The following C10orf90 variants were observed in gnomAD, a reference collection of about 807,000 sequenced individuals.
C10orf90 encodes the protein (E2-independent) E3 ubiquitin-conjugating enzyme FATS.
Under a neutral mutation model 62.5 loss-of-function variants are expected in C10orf90, and 56 were observed. The observed-to-expected ratio is 0.90, with a 90% CI of 0.72 to 1.12. The LOEUF is 1.12. Among genes scored for constraint, C10orf90 ranks in the 50% most tolerant of loss-of-function variants. C10orf90 has a pLI of 0.00. For synonymous variants in C10orf90, 386 were observed against 340.4 expected, an observed-to-expected ratio of 1.13 and a Z score of -1.47; for missense variants, 970 against 880.4, an observed-to-expected ratio of 1.10 and a Z score of -1.29.
rs1564840819 is a variant in C10orf90, at chr10:126,504,868, G to A, written c.623C>T (p.Ala208Val). The A allele has an allele frequency of 1.9e-6, 3 of 1,613,624 alleles. No individual in the cohort carries two copies. The East Asian group carries it at 6.7e-5, about 36-fold the overall frequency. The change falls in exon 4 of 10, where the codon GCA becomes GTA. Residue 208 changes from alanine (A) to valine (V), a missense_variant. Coordinates refer to ENST00000488181, the MANE Select transcript of C10orf90 (RefSeq NM_001350921.2). The surrounding 1 kb of genome is among the most constrained non-coding windows in gnomAD (Gnocchi z 4.1). ...CTCAGGTCCTCGCTCATCTGACGGT[G>A]CCGGGATTCCTAATCTGCCCGGAAG... ...ALLPGRLGIPAPSDERGPEAE... is the reference protein window; with the variant it reads ...ALLPGRLGIPVPSDERGPEAE...
At chr10:126,432,042 G>A (rs1359385677) in intron 7 of C10orf90, among the ~76,000 whole-genome samples, 1 of 152,172 alleles carries the variant, frequency 6.6e-6, no homozygotes, top group Non-Finnish European at 1.5e-5. Flanking sequence ...CCATACCCCC[G>A]GGGAAGTATT....
In C10orf90 at chr10:126,490,006, A is replaced by ATAT. The variant is rs1184587090; in HGVS notation, c.1534+13948_1534+13950dup. 1.8e-3 allele frequency among the ~76,000 whole-genome samples: 150 copies of ATAT among 84,576 alleles called. 4 individuals are homozygous for ATAT. In the Admixed American group the frequency reaches 0.022, roughly 12 times the overall value. 55.5% of individuals were successfully genotyped at this position (84,576 alleles called of 152,430 possible). ...ATATATATAATATATATTATATATT[A>ATAT]TATATATTATATATAATATATAATA... is the stretch of plus-strand genomic sequence containing the variant. On this transcript the variant is annotated intron_variant, in intron 4 of 9. Transcript: ENST00000488181.
chr10:126,670,532 C>T lies in C10orf90; in HGVS notation c.-52G>A. ...TAGTGAGACTGGCAAACACAATTTT[C>T]TTTGTTTAACCCAGGTATTGAGTGC... On this transcript the variant is annotated 5_prime_UTR_variant, in exon 1 of 10. Transcript: ENST00000488181. 2.2e-6 allele frequency: 1 copy of T among 449,002 alleles called. No homozygotes were observed. The highest frequency in any genetic ancestry group is 1.6e-5 in the South Asian group (1 of 63,384). 27.8% of individuals were successfully genotyped at this position (449,002 alleles called of 1,614,324 possible). A position where few individuals can be genotyped will look rare whatever the true frequency, so the allele number is the denominator to read the frequency against.
At chr10:126,488,059 T>TGG (rs1486782700) in intron 4 of C10orf90, among the ~76,000 whole-genome samples, 15 of 150,778 alleles carry the variant, frequency 9.9e-5, no homozygotes, top group Non-Finnish European at 2.1e-4. Context: ...AAAAGTGGAA[T>TGG]GAGAAAAAAA....
chr10:126,602,748 G>C (rs2134042976), intron 2 of C10orf90, among the ~76,000 whole-genome samples: 1 of 147,076 alleles, frequency 6.8e-6, no homozygotes, highest in Admixed American at 6.8e-5. Flanking sequence ...GTCATTGGCA[G>C]GGTTTTGGGC....
chr10:126,516,093 G>A (rs1420985970), intron 2 of C10orf90, among the ~76,000 whole-genome samples: 1 of 152,212 alleles, frequency 6.6e-6, no homozygotes, highest in African/African-American at 2.4e-5. Context: ...AGTCAACACA[G>A]GCTGAGGCTA....
intron 4 of C10orf90, among the ~76,000 whole-genome samples, chr10:126,473,012 T>G (rs909845628): frequency 6.6e-6 from 1 of 152,168 alleles, no homozygotes. Flanking sequence ...TCTCTTCAAT[T>G]TAACTATTTA....
chr10:126,551,747 C>G (rs1348649439), intron 2 of C10orf90, among the ~76,000 whole-genome samples: 1 of 152,184 alleles, frequency 6.6e-6, no homozygotes, highest in East Asian at 1.9e-4. Flanking sequence ...CAGTGGTTTA[C>G]AGCATTAAAT....
In C10orf90 at chr10:126,456,841, C is replaced by T. The variant is rs1342787247; in HGVS notation, c.2188+2199G>A. ...GAACATCAAGGATTGCAGGAAGCCG[C>T]CAGGAGCAGGGAGGGAGGCTGGACA... On this transcript the variant is annotated intron_variant, in intron 7 of 9. Coordinates refer to ENST00000488181, the MANE Select transcript of C10orf90 (RefSeq NM_001350921.2). The surrounding 1 kb of genome is among the most constrained non-coding windows in gnomAD (Gnocchi z 4.9). Among the ~76,000 whole-genome samples, 2 of 152,132 alleles carry T rather than the reference C, an allele frequency of 1.3e-5. No homozygotes were observed. Among genetic ancestry groups the T allele is most frequent in the Admixed American group, 1.3e-4 (2 of 15,270 alleles).
chr10:126,475,499 G>A (rs1426030638), intron 4 of C10orf90, among the ~76,000 whole-genome samples: 1 of 152,176 alleles, frequency 6.6e-6, no homozygotes, highest in Admixed American at 6.5e-5. Context: ...TCAGGACGCC[G>A]CCTTCATCAT....
chr10:126,569,980 T>G (rs1844472331), intron 2 of C10orf90, among the ~76,000 whole-genome samples: 1 of 152,250 alleles, frequency 6.6e-6, no homozygotes, highest in African/African-American at 2.4e-5. Context: ...CATTCCATGG[T>G]GACGGTACTA....
At position 126,506,387 on chromosome 10, in the gene C10orf90, T is replaced by C. The variant is rs551986592; in HGVS notation, c.406-1302A>G. On this transcript the variant is annotated intron_variant, in intron 3 of 9. Coordinates refer to ENST00000488181, the MANE Select transcript of C10orf90 (RefSeq NM_001350921.2). ...CCGTTTAGACGTTCATTATGGAACA[T>C]GCTTACAATGAATCCTTGCATAGAG... is the stretch of plus-strand genomic sequence containing the variant. 3.3e-5 allele frequency among the ~76,000 whole-genome samples: 5 copies of C among 152,372 alleles called. No homozygotes were observed. The East Asian group carries it at 9.6e-4, about 29-fold the overall frequency.
chr10:126,564,357 G>A (rs560454363), intron 2 of C10orf90, among the ~76,000 whole-genome samples: 35 of 152,026 alleles, frequency 2.3e-4, no homozygotes, highest in African/African-American at 8.4e-4. Context: ...GGTCCCAAAG[G>A]CAGCAGCAGC....
At chr10:126,442,478 C>CGTATATATATATATATATAT (rs1554886149) in intron 7 of C10orf90, among the ~76,000 whole-genome samples, 2 of 33,810 alleles carry the variant, frequency 5.9e-5, no homozygotes, top group Admixed American at 7.6e-4. Context: ...TTCAATATTT[C>CGTATATATATATATATATAT]ATATATATAT....
chr10:126,458,591 C>A (rs1301537072), intron 7 of C10orf90, among the ~76,000 whole-genome samples: 1 of 152,130 alleles, frequency 6.6e-6, no homozygotes, highest in Non-Finnish European at 1.5e-5. Context: ...TGCTGGGAAG[C>A]CAGCCATGTA....
At chr10:126,665,694 C>T (rs1371105987) in intron 1 of C10orf90, among the ~76,000 whole-genome samples, 1 of 152,068 alleles carries the variant, frequency 6.6e-6, no homozygotes, top group African/African-American at 2.4e-5. Flanking sequence ...TACAATTGTC[C>T]CCACCTGGAG....
chr10:126,537,868 G>T (rs1293440817), intron 2 of C10orf90, among the ~76,000 whole-genome samples: 1 of 152,212 alleles, frequency 6.6e-6, no homozygotes, highest in African/African-American at 2.4e-5. Context: ...TTATTTGAAA[G>T]AGGATTGTTG....
At chr10:126,604,701 G>C (rs759532811) in intron 2 of C10orf90, among the ~76,000 whole-genome samples, 4 of 152,186 alleles carry the variant, frequency 2.6e-5, no homozygotes, top group Non-Finnish European at 4.4e-5. Flanking sequence ...CTGAGATTCT[G>C]ATAAGAAACA....
At chr10:126,507,009 G>A (rs976177613) in intron 3 of C10orf90, among the ~76,000 whole-genome samples, 6 of 151,988 alleles carry the variant, frequency 3.9e-5, no homozygotes, top group African/African-American at 1.4e-4. Flanking sequence ...TGGGAAGATG[G>A]TTGGCTTGTT....
Sources: allele counts gnomAD v4.1 joint callset (sites outside exome capture counted in the v4.1 genomes callset), GRCh38; gene constraint gnomAD v4.1.1; non-coding constraint Gnocchi (gnomAD v3.1); transcripts MANE v1.5; gene names NCBI Gene and HGNC (gene_info 2026-07-23, HGNC 2026-07-21).